Variants in AMOT observed in about 807,000 individuals in gnomAD.
The protein encoded by AMOT is angiomotin.
In AMOT, 11 loss-of-function variants were observed where a neutral mutation model predicts 67.0. The observed-to-expected ratio is 0.16, with a 90% CI of 0.10 to 0.27. The LOEUF (loss-of-function observed/expected upper bound fraction) is 0.27, where lower values mean the gene tolerates loss of function less well. Among genes scored for constraint, AMOT ranks in the 10% least tolerant of loss-of-function variants. The pLI is 1.00. For missense variants in AMOT, 753 were observed against 852.0 expected (o/e 0.88, Z 1.45); for synonymous variants, 326 against 321.4 (o/e 1.01, Z -0.15).
rs1932912840 is a variant in AMOT at position 112,775,215 on chromosome X, G to A, written c.*3352C>T. The A allele has an allele frequency of 8.9e-6, 1 of 112,465 alleles. No homozygotes were observed. Among genetic ancestry groups the A allele is most frequent in the Admixed American group, 9.5e-5 (1 of 10,581 alleles). 9.3% of individuals were successfully genotyped at this position (112,465 alleles called of 1,213,427 possible). ...CTTGGAAGACATATTTCCAAGAATC[G>A]TGGCAGGCTGAAATTGGTGGCAATT... On this transcript the variant is annotated 3_prime_UTR_variant, in exon 14 of 14. Transcript: ENST00000371959.
intron 7 of AMOT, among the ~76,000 whole-genome samples, chrX:112,805,411 AC>A (rs1934149584): frequency 1.9e-5 from 2 of 104,413 alleles, no homozygotes; most frequent in Non-Finnish European, 3.8e-5. Context: ...ACACACACAC[AC>A]ACACAGAGCC....
intron 10 of AMOT, among the ~76,000 whole-genome samples, chrX:112,788,510 T>A (rs1399893568): frequency 9.0e-6 from 1 of 111,112 alleles, no homozygotes; most frequent in Non-Finnish European, 1.9e-5. Flanking sequence ...AAATATAGAA[T>A]CTCATTTGAA....
intron 10 of AMOT, among the ~76,000 whole-genome samples, chrX:112,787,003 G>A (rs753937526): frequency 5.4e-5 from 6 of 111,629 alleles, no homozygotes; most frequent in Non-Finnish European, 9.4e-5. Context: ...TGATGTTTAA[G>A]ATGCATCTCA....
chrX:112,822,932 T>C lies in AMOT; in HGVS notation c.195A>G (p.Gln65=). 8.6e-7 allele frequency: 1 copy of C among 1,167,899 alleles called. No homozygotes were observed. The change falls in exon 4 of 14, where the codon CAA becomes CAG. Residue 65 remains glutamine, a synonymous_variant. Transcript: ENST00000371959. ...PGPQSDVLSP[Q]DHHQQLVAHA... is the part of the protein sequence containing the mutation. The stretch of plus-strand genomic sequence containing the variant: ...GAGCCACAAGCTGTTGGTGGTGGTC[T>C]TGGGGACTCAACACATCACTCTGAG...
chrX:112,780,824 GTGC>G (rs1933129797), intron 12 of AMOT, 59 bp downstream of exon 12: 1 of 1,084,462 alleles, frequency 9.2e-7, no homozygotes, highest in South Asian at 1.9e-5. Context: ...TTAAGCATGG[GTGC>G]TTATCTCAGG....
Position 112,822,815 on chromosome X carries a change from T to C in AMOT, c.312A>G (p.Glu104=). ...TGGCTTCTTCATAGGTCGGGAGTTC[T>C]TCATTATTTTGCATTCGAGGAGACA... ...KQLSPRMQNN[E]ELPTYEEAKV... Residue 104 remains glutamate (E), a synonymous_variant, in exon 4 of 14, where the codon GAA becomes GAG. Transcript: ENST00000371959. 1 of 1,167,608 alleles carries C rather than the reference T, an allele frequency of 8.6e-7. No individual in the cohort carries two copies.
At chrX:112,780,579 T>C in intron 12 of AMOT, 1 of 322,564 alleles carries the variant, frequency 3.1e-6, no homozygotes, top group Non-Finnish European at 5.4e-6. Context: ...AGGTGCCACA[T>C]GGCAAAGGCC....
intron 2 of AMOT, among the ~76,000 whole-genome samples, chrX:112,830,502 C>G (rs780303489): frequency 8.9e-6 from 1 of 112,117 alleles, no homozygotes; most frequent in South Asian, 3.7e-4. Flanking sequence ...ACTGATGGGT[C>G]AAGAAGCATA....
At chrX:112,805,237 C>G in intron 7 of AMOT, 145 bp from the exon 8 acceptor site, 1 of 628,001 alleles carries the variant, frequency 1.6e-6, no homozygotes, top group South Asian at 4.2e-5. Context: ...GATCTGGACT[C>G]TATCACTGGC....
chrX:112,793,223 C>T lies in AMOT; in HGVS notation c.1777-1242G>A, dbSNP rs150263465. 6.7e-3 allele frequency among the ~76,000 whole-genome samples: 749 copies of T among 111,094 alleles called. 10 individuals carry two copies. Among genetic ancestry groups the T allele is most frequent in the African/African-American group, 0.023 (712 of 30,576 alleles). Reference sequence around the variant, plus strand: ...ATCAACATCAACTTGATGTTAGAGACACCTTCACTCTTCAGATTAAAATAT... The same window carrying T: ...ATCAACATCAACTTGATGTTAGAGATACCTTCACTCTTCAGATTAAAATAT... On this transcript the variant is annotated intron_variant, in intron 8 of 13. Coordinates refer to ENST00000371959, the MANE Select transcript of AMOT (RefSeq NM_001113490.2).
At chrX:112,833,130 T>C (rs183139361) in intron 1 of AMOT, among the ~76,000 whole-genome samples, 21 of 111,510 alleles carry the variant, frequency 1.9e-4, no homozygotes, top group Admixed American at 1.1e-3. Context: ...GGGCACAGCA[T>C]ATGGGAACCT....
At position 112,776,023 on chromosome X, in the gene AMOT, T is replaced by A. The variant is rs1029215521; in HGVS notation, c.*2544A>T. 8.9e-6 allele frequency: 1 copy of A among 112,647 alleles called. No individual in the cohort carries two copies. Among genetic ancestry groups the A allele is most frequent in the African/African-American group, 3.2e-5 (1 of 30,964 alleles). 9.3% of individuals were successfully genotyped at this position (112,647 alleles called of 1,213,427 possible). ...TCTTCTGCATAATATACTGACATAC[T>A]CTTCTTCCCTCTCTTGGATGTACAA... On this transcript the variant is annotated 3_prime_UTR_variant, in exon 14 of 14. Transcript: ENST00000371959.
intron 6 of AMOT, 58 bp downstream of exon 6, chrX:112,811,191 C>T: frequency 8.4e-7 from 1 of 1,191,818 alleles, no homozygotes; most frequent in Non-Finnish European, 1.1e-6. Flanking sequence ...TCAGCCCTTC[C>T]CTTCACCACC....
chrX:112,811,257 T>A lies in AMOT; in HGVS notation c.1529A>T (p.Asp510Val), dbSNP rs747506861. Residue 510 changes from aspartate (D) to valine (V), a missense_variant, in exon 6 of 14, where the codon GAT becomes GTT. Physicochemically the swap from Asp to Val is radical, Grantham distance 152. Around this residue, in one of 5 missense-constraint regions of AMOT, gnomAD observed 297 missense variants for 284.3 expected, o/e 1.04. Transcript: ENST00000371959. ...EIRRMHDFNR[D>V]LRERLETANK... ...TCTGTTGGTTCCCTCACCTCTCAGA[T>A]CCCTGTTGAAATCATGCATCCTCCG... 8.3e-7 allele frequency: 1 copy of A among 1,211,048 alleles called. No individual in the cohort carries two copies. The highest frequency in any genetic ancestry group is 3.0e-5 in the East Asian group (1 of 33,843).
chrX:112,817,734 T>A (rs1934605989), intron 4 of AMOT, among the ~76,000 whole-genome samples: 1 of 112,114 alleles, frequency 8.9e-6, no homozygotes, highest in Non-Finnish European at 1.9e-5. Flanking sequence ...GAAGAGGGCA[T>A]GCGAACTATT....
intron 8 of AMOT, among the ~76,000 whole-genome samples, chrX:112,794,166 C>T (rs192866076): frequency 9.0e-6 from 1 of 111,712 alleles, no homozygotes; most frequent in Non-Finnish European, 1.9e-5. Flanking sequence ...TGCAAGCTCA[C>T]AAAACTGAAA....
chrX:112,782,750 G>C, intron 10 of AMOT, 88 bp from the exon 11 acceptor site: 1 of 1,083,516 alleles, frequency 9.2e-7, no homozygotes, highest in African/African-American at 1.8e-5. Context: ...GGCTTTTCTG[G>C]AAAGTCCTAA....
intron 1 of AMOT, among the ~76,000 whole-genome samples, chrX:112,833,482 G>A (rs941504737): frequency 9.7e-5 from 10 of 102,849 alleles, no homozygotes; most frequent in African/African-American, 3.6e-4. Context: ...GAGTAAAGGG[G>A]GGGGGGGGGT....
rs200006588 is a variant in AMOT at position 112,809,915 on chromosome X, T to A, written c.1609A>T (p.Ile537Phe). ...TTACTTTTTGCAAAGAGCTGCGAGA[T>A]GGTTTTTCTGGTGTCCTCTGACCCC... ...YEGSEDTRKTISQLFAKNKES... is the reference protein window; with the variant it reads ...YEGSEDTRKTFSQLFAKNKES... The change falls in exon 7 of 14, where the codon ATC (isoleucine) becomes TTC (phenylalanine). Residue 537 changes from isoleucine to phenylalanine, a missense_variant. Ile to Phe is a conservative substitution (Grantham distance 21). Transcript: ENST00000371959. 2 of 1,211,424 alleles carry A rather than the reference T, an allele frequency of 1.7e-6. No homozygotes were observed. The highest frequency in any genetic ancestry group is 5.9e-5 in the East Asian group (2 of 33,839).
Sources: allele counts gnomAD v4.1 joint callset (sites outside exome capture counted in the v4.1 genomes callset), GRCh38; gene constraint gnomAD v4.1.1; regional missense constraint gnomAD v4.1.1; transcripts MANE v1.5; gene names NCBI Gene and HGNC (gene_info 2026-07-23, HGNC 2026-07-21).